Variants in FCHSD2 observed in about 807,000 individuals in gnomAD.
FCHSD2 encodes the protein FCH and double SH3 domains 2.
FCHSD2 carries 38 observed loss-of-function variants against 108.1 expected under a neutral mutation model. The ratio of observed to expected loss-of-function variants is 0.35; its 90% confidence interval spans 0.27 to 0.46. The LOEUF is 0.46. Among genes scored for constraint, FCHSD2 ranks in the 20% least tolerant of loss-of-function variants. The pLI is 1.00. For missense variants in FCHSD2, 751 were observed against 897.8 expected, an observed-to-expected ratio of 0.84 and a Z score of 2.09; for synonymous variants, 279 against 314.7, an observed-to-expected ratio of 0.89 and a Z score of 1.20.
chr11:72,907,318 C>A (rs543911195), intron 9 of FCHSD2, among the ~76,000 whole-genome samples: 1 of 152,046 alleles, frequency 6.6e-6, no homozygotes, highest in African/African-American at 2.4e-5. Flanking sequence ...AATTGAATAC[C>A]CTTTATTTCT....
intron 6 of FCHSD2, among the ~76,000 whole-genome samples, chr11:72,988,211 C>T (rs541125018): frequency 6.6e-6 from 1 of 152,184 alleles, no homozygotes; most frequent in Non-Finnish European, 1.5e-5. Context: ...AGCACACTGA[C>T]CCTGAGTCTC....
At chr11:72,855,400 C>T (rs557504794) in intron 13 of FCHSD2, among the ~76,000 whole-genome samples, 42 of 151,290 alleles carry the variant, frequency 2.8e-4, no homozygotes, top group Middle Eastern at 3.4e-3. Flanking sequence ...CACTTGAACC[C>T]GGGAGGCGGA....
chr11:72,843,062 T>A (rs1231707242), intron 16 of FCHSD2, 89 bp downstream of exon 16: 43 of 1,295,416 alleles, frequency 3.3e-5, no homozygotes, highest in Non-Finnish European at 4.5e-5. Context: ...AGGAAAGTTG[T>A]GCTTTTTATC....
intron 3 of FCHSD2, among the ~76,000 whole-genome samples, chr11:73,038,470 A>G (rs1858553121): frequency 6.6e-6 from 1 of 152,186 alleles, no homozygotes; most frequent in Admixed American, 6.5e-5. Flanking sequence ...ATCACTCACC[A>G]CTGATGGGCA....
intron 4 of FCHSD2, 48 bp from the exon 5 acceptor site, chr11:73,001,182 A>C: frequency 1.9e-6 from 3 of 1,581,410 alleles, no homozygotes; most frequent in Non-Finnish European, 2.6e-6. Flanking sequence ...AACAGGAAGA[A>C]AAAGTTGGCT....
At chr11:73,107,179 T>C (rs1266224618) in intron 2 of FCHSD2, among the ~76,000 whole-genome samples, 1 of 152,098 alleles carries the variant, frequency 6.6e-6, no homozygotes, top group Non-Finnish European at 1.5e-5. Context: ...CTCAGCCTTC[T>C]GAGTAGCTGG....
chr11:72,897,319 TAAAA>T (rs140771439), intron 10 of FCHSD2, among the ~76,000 whole-genome samples: 3 of 124,856 alleles, frequency 2.4e-5, no homozygotes, highest in Non-Finnish European at 3.4e-5. Context: ...TTAAAAAGAG[TAAAA>T]AAAAAAAAAA....
intron 8 of FCHSD2, among the ~76,000 whole-genome samples, chr11:72,927,683 T>G (rs1856103362): frequency 6.6e-6 from 1 of 152,224 alleles, no homozygotes; most frequent in African/African-American, 2.4e-5. Context: ...GGGACCATAC[T>G]TTGAAAACTA....
At chr11:72,928,216 A>G (rs945726219) in intron 8 of FCHSD2, among the ~76,000 whole-genome samples, 1 of 152,120 alleles carries the variant, frequency 6.6e-6, no homozygotes, top group Non-Finnish European at 1.5e-5. Flanking sequence ...AAAAGCATAA[A>G]GAAAACCTGA....
At chr11:73,059,250 G>A (rs1001366769) in intron 3 of FCHSD2, among the ~76,000 whole-genome samples, 8 of 151,838 alleles carry the variant, frequency 5.3e-5, no homozygotes, top group African/African-American at 1.9e-4. Flanking sequence ...ATTACACTGT[G>A]TGAACTACGG....
intron 3 of FCHSD2, among the ~76,000 whole-genome samples, chr11:73,056,112 G>A (rs1034087168): frequency 6.6e-6 from 1 of 152,002 alleles, no homozygotes; most frequent in Admixed American, 6.6e-5. Flanking sequence ...TACTATCTTT[G>A]ACCTACAACC....
At chr11:72,861,963 T>C (rs1345303190) in intron 13 of FCHSD2, among the ~76,000 whole-genome samples, 2 of 150,970 alleles carry the variant, frequency 1.3e-5, no homozygotes, top group Non-Finnish European at 2.9e-5. Flanking sequence ...AATATATCAT[T>C]ACCCAAGTGG....
chr11:72,881,966 C>T (rs573963414), intron 12 of FCHSD2, among the ~76,000 whole-genome samples: 1 of 151,694 alleles, frequency 6.6e-6, no homozygotes, highest in Non-Finnish European at 1.5e-5. Flanking sequence ...ACGGTGAAAC[C>T]CCATCTCTAC....
At chr11:72,932,355 T>C (rs993774884) in intron 8 of FCHSD2, among the ~76,000 whole-genome samples, 3 of 152,062 alleles carry the variant, frequency 2.0e-5, no homozygotes, top group African/African-American at 7.2e-5. Flanking sequence ...GTATTTTACT[T>C]GACTGCTCTA....
intron 3 of FCHSD2, among the ~76,000 whole-genome samples, chr11:73,025,201 C>A (rs1858198640): frequency 6.6e-6 from 1 of 152,074 alleles, no homozygotes; most frequent in Non-Finnish European, 1.5e-5. Flanking sequence ...ATGTTCACTG[C>A]AACACTATTC....
chr11:72,916,247 G>C (rs976396321), intron 9 of FCHSD2, among the ~76,000 whole-genome samples: 2 of 140,974 alleles, frequency 1.4e-5, no homozygotes, highest in Non-Finnish European at 3.1e-5. Flanking sequence ...TATCAATTTT[G>C]TTAATCTTTT....
At chr11:72,857,237 C>G (rs948014174) in intron 13 of FCHSD2, among the ~76,000 whole-genome samples, 3 of 152,144 alleles carry the variant, frequency 2.0e-5, no homozygotes, top group Admixed American at 1.3e-4. Flanking sequence ...TAATTTCTTC[C>G]TTTTTCCTCT....
intron 3 of FCHSD2, among the ~76,000 whole-genome samples, chr11:73,059,856 C>G (rs1859119453): frequency 6.6e-6 from 1 of 152,110 alleles, no homozygotes; most frequent in African/African-American, 2.4e-5. Context: ...CTCAAACAAT[C>G]CTTGACTAAT....
At chr11:72,856,708 G>A (rs183114198) in intron 13 of FCHSD2, among the ~76,000 whole-genome samples, 14 of 152,128 alleles carry the variant, frequency 9.2e-5, no homozygotes, top group Admixed American at 3.3e-4. Context: ...CAGTCAGTTC[G>A]GTGGCAAAAC....
Sources: gnomAD v4.1 joint callset for allele counts (sites outside exome capture counted in the v4.1 genomes callset) on GRCh38, gnomAD v4.1.1 for gene constraint, MANE v1.5 for transcripts, NCBI Gene and HGNC (gene_info 2026-07-23, HGNC 2026-07-21) for gene names.